The following UBXN7 variants were observed in gnomAD, a reference collection of about 807,000 sequenced individuals.
UBXN7 encodes the protein UBX domain-containing protein 7.
A neutral mutation model predicts 58.0 loss-of-function variants in UBXN7; 9 were observed. The observed-to-expected ratio is 0.16, with a 90% CI of 0.09 to 0.27. UBXN7 has a LOEUF of 0.27. UBXN7 is among the 10% of genes least tolerant of loss of function. The pLI, the probability that UBXN7 is intolerant of heterozygous loss-of-function variation, is 1.00. For missense variants in UBXN7, 328 were observed against 599.6 expected, an observed-to-expected ratio of 0.55 and a Z score of 4.73; for synonymous variants, 208 against 205.0, an observed-to-expected ratio of 1.01 and a Z score of -0.12.
chr3:196,369,871 G>A (rs373519884), intron 6 of UBXN7, among the ~76,000 whole-genome samples: 1 of 151,878 alleles, frequency 6.6e-6, no homozygotes, highest in Non-Finnish European at 1.5e-5. Context: ...GGTGGCTCAC[G>A]CCTGTAATCC....
At chr3:196,423,452 C>T (rs551195014) in intron 1 of UBXN7, 5 of 269,516 alleles carry the variant, frequency 1.9e-5, no homozygotes, top group African/African-American at 1.2e-4. Flanking sequence ...GCCACTGTGC[C>T]TCTTTTCTTG....
At position 196,356,470 on chromosome 3, in the gene UBXN7, G is replaced by A. The variant is rs1025653976; in HGVS notation, c.*215C>T. The A allele has an allele frequency of 2.1e-6, 1 of 485,720 alleles. No homozygotes were observed. The allele number at this position is 485,720 out of a possible 1,614,324, so 30.1% of individuals were successfully genotyped here. ...TGTGGGGGGAGGGGGAGGCAGAAGG[G>A]TACGGAGTGGGGAGCGAGAAAACAG... On this transcript the variant is annotated 3_prime_UTR_variant, in exon 11 of 11. Transcript: ENST00000296328.
chr3:196,348,952 C>CAAAACA lies in UBXN7; in HGVS notation c.*7732_*7733insTGTTTT, dbSNP rs375986239. ...CAAAACAAAACAAAACAAAACAAAA[C>CAAAACA]AAACAAAACAAAAAGTAACACTGGA... On this transcript the variant is annotated 3_prime_UTR_variant, in exon 11 of 11. Transcript: ENST00000296328. 3 of 149,358 alleles carry CAAAACA rather than the reference C, an allele frequency of 2.0e-5. No individual in the cohort carries two copies. Among genetic ancestry groups the CAAAACA allele is most frequent in the African/African-American group, 7.6e-5 (3 of 39,594 alleles). 9.3% of individuals were successfully genotyped at this position (149,358 alleles called of 1,614,324 possible). A position where few individuals can be genotyped will look rare whatever the true frequency, so the allele number is the denominator to read the frequency against.
chr3:196,384,257 T>C (rs1048208678), intron 5 of UBXN7, among the ~76,000 whole-genome samples: 4 of 151,936 alleles, frequency 2.6e-5, no homozygotes, highest in Non-Finnish European at 2.9e-5. Context: ...CAGGAAGAAG[T>C]TGAATCTCTG....
At chr3:196,428,680 C>T (rs147873949) in intron 1 of UBXN7, among the ~76,000 whole-genome samples, 3,967 of 151,642 alleles carry the variant, frequency 0.026, 80 homozygotes, top group South Asian at 0.082. Context: ...ATTGCTTGAG[C>T]CCAGGAGTTC....
chr3:196,366,212 C>T (rs1339612050), intron 8 of UBXN7, among the ~76,000 whole-genome samples: 1 of 152,108 alleles, frequency 6.6e-6, no homozygotes, highest in Admixed American at 6.6e-5. Flanking sequence ...TTCCTCACAT[C>T]TTCTAAAACT....
chr3:196,373,369 C>G (rs1475882721), intron 5 of UBXN7, among the ~76,000 whole-genome samples: 1 of 152,104 alleles, frequency 6.6e-6, no homozygotes, highest in Non-Finnish European at 1.5e-5. Flanking sequence ...CCTGTCAGTC[C>G]CTTGTCAGCA....
At position 196,360,710 on chromosome 3, in the gene UBXN7, A is replaced by T. The variant is rs147409755; in HGVS notation, c.1308+1134T>A. Among the ~76,000 whole-genome samples, 451 of 152,294 alleles carry T rather than the reference A, an allele frequency of 3.0e-3. 2 individuals carry two copies. Among genetic ancestry groups the T allele is most frequent in the African/African-American group, 0.011 (438 of 41,564 alleles). On this transcript the variant is annotated intron_variant, in intron 10 of 10. Transcript: ENST00000296328. ...CCATTCTGCAGCCCATGGATCAAGG[A>T]GTCATTTCAACTTTTAAATCTTATT...
chr3:196,372,300 T>TTC (rs144595952), intron 5 of UBXN7, among the ~76,000 whole-genome samples: 32,228 of 133,410 alleles, frequency 0.24, 4,561 homozygotes, highest in East Asian at 0.75. Flanking sequence ...TAATAGCTGA[T>TTC]TCTCTCTCTC....
chr3:196,366,019 A>T (rs1161461166), intron 8 of UBXN7, among the ~76,000 whole-genome samples: 1 of 152,182 alleles, frequency 6.6e-6, no homozygotes, highest in African/African-American at 2.4e-5. Flanking sequence ...CGACATTATA[A>T]AGCATTACAT....
intron 1 of UBXN7, 31 bp from the exon 2 acceptor site, chr3:196,407,424 A>T (rs1390616816): frequency 1.0e-4 from 18 of 174,388 alleles, no homozygotes; most frequent in East Asian, 4.2e-4. Context: ...GAAAAACGTT[A>T]AAAAAAAAAA....
intron 7 of UBXN7, 49 bp from the exon 8 acceptor site, chr3:196,368,204 C>G: frequency 6.5e-7 from 1 of 1,543,526 alleles, no homozygotes; most frequent in Non-Finnish European, 8.8e-7. Context: ...ATCTAGAATC[C>G]TTCTGAACAT....
intron 1 of UBXN7, chr3:196,416,244 A>C (rs1443780524): frequency 6.6e-6 from 1 of 152,196 alleles, no homozygotes; most frequent in African/African-American, 2.4e-5. Flanking sequence ...GTTCAAGACC[A>C]GCCTGGCCAA....
At chr3:196,385,938 G>A (rs1044696359) in intron 5 of UBXN7, among the ~76,000 whole-genome samples, 20 of 152,226 alleles carry the variant, frequency 1.3e-4, no homozygotes, top group Admixed American at 7.2e-4. Context: ...GAATAGAAGG[G>A]GGGGAAATGT....
chr3:196,388,526 A>T (rs1175569637), intron 5 of UBXN7, among the ~76,000 whole-genome samples: 1 of 151,580 alleles, frequency 6.6e-6, no homozygotes, highest in East Asian at 1.9e-4. Context: ...ACTCTTGATC[A>T]CCTAGAACTA....
chr3:196,405,561 A>AGTGTGT (rs150829704), intron 2 of UBXN7, among the ~76,000 whole-genome samples: 1 of 150,586 alleles, frequency 6.6e-6, no homozygotes, highest in African/African-American at 2.4e-5. Context: ...CTCGCTTTAC[A>AGTGTGT]GTGTGTGTGT....
chr3:196,427,685 A>G (rs1730894313), intron 1 of UBXN7, among the ~76,000 whole-genome samples: 1 of 152,220 alleles, frequency 6.6e-6, no homozygotes, highest in Non-Finnish European at 1.5e-5. Context: ...TCATGTTTTG[A>G]GAATTGATAT....
intron 5 of UBXN7, among the ~76,000 whole-genome samples, chr3:196,375,086 T>C (rs144143956): frequency 6.7e-6 from 1 of 150,336 alleles, no homozygotes; most frequent in African/African-American, 2.5e-5. Flanking sequence ...GAGTCTTGAA[T>C]AAGTCTAGAG....
At chr3:196,395,017 C>T (rs1729726352) in intron 3 of UBXN7, among the ~76,000 whole-genome samples, 1 of 152,046 alleles carries the variant, frequency 6.6e-6, no homozygotes. Context: ...TGTTCTTAAA[C>T]CTAAACAAAT....
Sources: allele counts gnomAD v4.1 joint callset (sites outside exome capture counted in the v4.1 genomes callset), GRCh38; gene constraint gnomAD v4.1.1; transcripts MANE v1.5; gene names NCBI Gene and HGNC (gene_info 2026-07-23, HGNC 2026-07-21).